Variants in ATRNL1 observed in about 807,000 individuals in gnomAD.
The protein encoded by ATRNL1 is attractin-like protein 1.
ATRNL1 carries 95 observed loss-of-function variants against 182.7 expected under a neutral mutation model. That is an observed-to-expected ratio of 0.52 (90% CI 0.44 to 0.62). The LOEUF is 0.62. ATRNL1 is among the 20% of genes least tolerant of loss of function. ATRNL1 has a pLI of 0.00. For missense variants in ATRNL1, 1,471 were observed against 1,679.5 expected (o/e 0.88, Z 2.17); for synonymous variants, 576 against 568.3 (o/e 1.01, Z -0.19).
chr10:115,703,852 A>G (rs968011457), intron 26 of ATRNL1, among the ~76,000 whole-genome samples: 8 of 152,006 alleles, frequency 5.3e-5, no homozygotes, highest in African/African-American at 1.9e-4. Context: ...TAAATCCTTT[A>G]TGGAACTGAA....
chr10:115,650,258 A>G (rs1283534648), intron 26 of ATRNL1, among the ~76,000 whole-genome samples: 1 of 152,120 alleles, frequency 6.6e-6, no homozygotes, highest in Non-Finnish European at 1.5e-5. Flanking sequence ...ATGTTCAAAG[A>G]TGTTGAAATC....
At chr10:115,765,492 C>T (rs1555074800) in intron 27 of ATRNL1, among the ~76,000 whole-genome samples, 2 of 152,048 alleles carry the variant, frequency 1.3e-5, no homozygotes, top group African/African-American at 2.4e-5. Flanking sequence ...GTCTTTCATC[C>T]ATTGTTATTG....
At chr10:115,713,002 G>A (rs1466007371) in intron 26 of ATRNL1, among the ~76,000 whole-genome samples, 1 of 152,018 alleles carries the variant, frequency 6.6e-6, no homozygotes, top group African/African-American at 2.4e-5. Flanking sequence ...CCTAAATTGA[G>A]AGTGACTGTG....
chr10:115,199,055 G>A (rs1167804323), intron 8 of ATRNL1, among the ~76,000 whole-genome samples: 2 of 152,066 alleles, frequency 1.3e-5, no homozygotes, highest in East Asian at 1.9e-4. Context: ...CATTGAGAGT[G>A]TGGTAGGGAT....
chr10:115,715,551 A>G (rs1947222134), intron 26 of ATRNL1, among the ~76,000 whole-genome samples: 1 of 152,198 alleles, frequency 6.6e-6, no homozygotes, highest in Non-Finnish European at 1.5e-5. Context: ...TTTGCCCCCA[A>G]AGGGCATTGA....
intron 26 of ATRNL1, among the ~76,000 whole-genome samples, chr10:115,550,743 T>G (rs1225341644): frequency 6.6e-6 from 1 of 151,870 alleles, no homozygotes; most frequent in Non-Finnish European, 1.5e-5. Context: ...TCTAGACATG[T>G]TAGATGATCT....
At chr10:115,786,865 T>G (rs991389) in intron 27 of ATRNL1, among the ~76,000 whole-genome samples, 72,047 of 152,024 alleles carry the variant, frequency 0.47, 18,419 homozygotes, top group East Asian at 0.75. Flanking sequence ...ATGTTAAACC[T>G]TTATTATGTC....
intron 17 of ATRNL1, among the ~76,000 whole-genome samples, chr10:115,310,918 G>T (rs533706024): frequency 1.3e-5 from 2 of 152,206 alleles, no homozygotes; most frequent in South Asian, 4.1e-4. Context: ...TTGTCAGTGT[G>T]TGATCTTTCA....
At chr10:115,678,224 A>G (rs1229263064) in intron 26 of ATRNL1, among the ~76,000 whole-genome samples, 4 of 152,262 alleles carry the variant, frequency 2.6e-5, no homozygotes, top group East Asian at 1.9e-4. Context: ...AAATTTCTTC[A>G]GGCACATCAA....
chr10:115,559,414 T>TAG (rs1853530217), intron 26 of ATRNL1, among the ~76,000 whole-genome samples: 1 of 147,560 alleles, frequency 6.8e-6, no homozygotes, highest in Non-Finnish European at 1.5e-5. Flanking sequence ...TTCTTGGTGT[T>TAG]TGTGTGTGTG....
chr10:115,366,493 T>C (rs1857048267), intron 19 of ATRNL1, among the ~76,000 whole-genome samples: 1 of 152,156 alleles, frequency 6.6e-6, no homozygotes, highest in African/African-American at 2.4e-5. Context: ...CTGTGTCTTT[T>C]AATTGGAGCG....
chr10:115,097,969 T>TATATGC (rs2085058215), intron 1 of ATRNL1, among the ~76,000 whole-genome samples: 1 of 152,092 alleles, frequency 6.6e-6, no homozygotes, highest in African/African-American at 2.4e-5. Context: ...CAAATATATA[T>TATATGC]ATATGCATAT....
At chr10:115,567,963 T>G (rs1342679084) in intron 26 of ATRNL1, among the ~76,000 whole-genome samples, 1 of 152,152 alleles carries the variant, frequency 6.6e-6, no homozygotes, top group Non-Finnish European at 1.5e-5. Flanking sequence ...AGTACTGTCA[T>G]CCTTTATCTA....
chr10:115,802,312 A>G (rs1182162011), intron 27 of ATRNL1, among the ~76,000 whole-genome samples: 1 of 152,212 alleles, frequency 6.6e-6, no homozygotes, highest in Non-Finnish European at 1.5e-5. Flanking sequence ...TTATGAAAGT[A>G]AACTAAAGGT....
rs58155967 is a variant in ATRNL1, at chr10:115,389,540, G to GTATATATATATATATATATATATATA, written c.3176-5093_3176-5068dup. On this transcript the variant is annotated intron_variant, in intron 19 of 28. Coordinates refer to ENST00000355044, the MANE Select transcript of ATRNL1 (RefSeq NM_207303.4). Reference sequence around the variant, plus strand: ...CTGAATAGTATTCAAATGTGTATGTGTATATATATATATATATATATATAT... The same window carrying GTATATATATATATATATATATATATA: ...CTGAATAGTATTCAAATGTGTATGTGTATATATATATATATATATATATATATATATATATATATATATATATATAT... 1.6e-4 allele frequency among the ~76,000 whole-genome samples: 7 copies of GTATATATATATATATATATATATATA among 44,490 alleles called. 1 individual carries two copies. The highest frequency in any genetic ancestry group is 3.7e-4 in the Admixed American group (1 of 2,736). The allele number at this position is 44,490 out of a possible 152,430, so 29.2% of individuals were successfully genotyped here.
At position 115,165,651 on chromosome 10, in the gene ATRNL1, G is replaced by C; in HGVS notation, c.1092+6G>C. The C allele has an allele frequency of 6.8e-7, 1 of 1,467,430 alleles. No individual in the cohort carries two copies. The highest frequency in any genetic ancestry group is 9.2e-7 in the Non-Finnish European group (1 of 1,092,566). The allele number at this position is 1,467,430 out of a possible 1,614,324, so 90.9% of individuals were successfully genotyped here. A position where few individuals can be genotyped will look rare whatever the true frequency, so the allele number is the denominator to read the frequency against. ...ACTCTCTTGCTTTATATCAGGTATGGCTCCTGCTTTTTAAATTTTAATCAG... is the reference window on the plus strand; with the variant it reads ...ACTCTCTTGCTTTATATCAGGTATGCCTCCTGCTTTTTAAATTTTAATCAG... On this transcript the variant is annotated splice_donor_region_variant and intron_variant, in intron 7 of 28. Coordinates refer to ENST00000355044, the MANE Select transcript of ATRNL1 (RefSeq NM_207303.4).
At chr10:115,791,120 T>C (rs1189038878) in intron 27 of ATRNL1, among the ~76,000 whole-genome samples, 1 of 152,124 alleles carries the variant, frequency 6.6e-6, no homozygotes, top group East Asian at 1.9e-4. Flanking sequence ...GAAAATCTTT[T>C]CTCCCCCAGG....
intron 26 of ATRNL1, among the ~76,000 whole-genome samples, chr10:115,725,956 C>T (rs183892415): frequency 3.3e-5 from 5 of 152,184 alleles, no homozygotes; most frequent in Admixed American, 2.0e-4. Flanking sequence ...GAATTTGTTA[C>T]TTCAAAAAAA....
rs147377065 is a variant in ATRNL1 at position 115,471,260 on chromosome 10, G to A, written c.3654+1931G>A. On this transcript the variant is annotated intron_variant, in intron 24 of 28. Coordinates refer to ENST00000355044, the MANE Select transcript of ATRNL1 (RefSeq NM_207303.4). ...ATGCTTTCATCTATCCATGGACACA[G>A]CTTGCTTCTGTATCTTGGCTATTGG... Among the ~76,000 whole-genome samples, 703 of 150,984 alleles carry A rather than the reference G, an allele frequency of 4.7e-3. 6 individuals are homozygous for A. Among genetic ancestry groups the A allele is most frequent in the African/African-American group, 0.016 (665 of 41,406 alleles).
Sources: gnomAD v4.1 joint callset for allele counts (sites outside exome capture counted in the v4.1 genomes callset) on GRCh38, gnomAD v4.1.1 for gene constraint, MANE v1.5 for transcripts, NCBI Gene and HGNC (gene_info 2026-07-23, HGNC 2026-07-21) for gene names.